SLX4IP: variants seen among roughly 807,000 people sequenced by gnomAD.
SLX4IP encodes the protein protein SLX4IP.
SLX4IP carries 34 observed loss-of-function variants against 32.9 expected under a neutral mutation model. The observed-to-expected ratio is 1.03, with a 90% confidence interval of 0.79 to 1.38. The LOEUF (loss-of-function observed/expected upper bound fraction) is 1.38. Among genes scored for constraint, SLX4IP ranks in the 40% most tolerant of loss-of-function variants. The pLI is 0.00. For synonymous variants in SLX4IP, 172 were observed against 171.7 expected (o/e 1.00, Z -0.01); for missense variants, 444 against 479.0 (o/e 0.93, Z 0.68).
At chr20:10,551,423 C>G (rs117742588) in intron 2 of SLX4IP, among the ~76,000 whole-genome samples, 1 of 152,204 alleles carries the variant, frequency 6.6e-6, no homozygotes, top group Non-Finnish European at 1.5e-5. Context: ...AGAGCTCTCC[C>G]TTTGCAGACA....
chr20:10,518,490 TTTCCTTCCTTCCTTCC>T (rs201990578), intron 2 of SLX4IP, among the ~76,000 whole-genome samples: 2,433 of 65,820 alleles, frequency 0.037, 83 homozygotes, highest in Middle Eastern at 0.053. Context: ...TTCCTTTCCT[TTTCCTTCCTTCCTTCC>T]TTCCTTCCTT....
chr20:10,562,568 T>G (rs141345965), intron 4 of SLX4IP, among the ~76,000 whole-genome samples: 1,630 of 152,044 alleles, frequency 0.011, 32 homozygotes, highest in African/African-American at 0.037. Context: ...GGCCATGGTG[T>G]TCTTGGAAAA....
chr20:10,443,928 G>A (rs1029362013), intron 1 of SLX4IP, among the ~76,000 whole-genome samples: 1 of 152,102 alleles, frequency 6.6e-6, no homozygotes, highest in Admixed American at 6.5e-5. Flanking sequence ...ATGATTGTAA[G>A]TCTCCTGAGG....
intron 2 of SLX4IP, among the ~76,000 whole-genome samples, chr20:10,498,824 T>G (rs916442219): frequency 8.6e-5 from 13 of 152,012 alleles, no homozygotes; most frequent in African/African-American, 3.1e-4. Flanking sequence ...ATCCTCTAAT[T>G]TTTAAAAATT....
At chr20:10,506,438 C>G (rs1600940620) in intron 2 of SLX4IP, among the ~76,000 whole-genome samples, 1 of 152,318 alleles carries the variant, frequency 6.6e-6, no homozygotes, top group Non-Finnish European at 1.5e-5. Flanking sequence ...CTGAACACCT[C>G]AAATGTGTCA....
intron 5 of SLX4IP, among the ~76,000 whole-genome samples, chr20:10,600,680 C>A (rs1431690788): frequency 1.3e-5 from 2 of 152,176 alleles, no homozygotes; most frequent in Admixed American, 6.5e-5. Flanking sequence ...TTACCTCAGT[C>A]ATTGCCATCA....
At chr20:10,474,555 T>A (rs1403517847) in intron 2 of SLX4IP, among the ~76,000 whole-genome samples, 2 of 152,196 alleles carry the variant, frequency 1.3e-5, no homozygotes, top group African/African-American at 4.8e-5. Flanking sequence ...GTGGAGTTTT[T>A]TCCTTTTTCT....
At chr20:10,567,546 A>C (rs73896590) in intron 4 of SLX4IP, among the ~76,000 whole-genome samples, 13 of 152,150 alleles carry the variant, frequency 8.5e-5, no homozygotes, top group African/African-American at 2.9e-4. Flanking sequence ...CTCATCCTCC[A>C]CAACTGTGAG....
At position 10,621,704 on chromosome 20, in the gene SLX4IP, G is replaced by GA. The variant is rs201369424; in HGVS notation, c.506+301dup. Among the ~76,000 whole-genome samples, 22 of 147,184 alleles carry GA rather than the reference G, an allele frequency of 1.5e-4. 1 individual carries two copies. The highest frequency in any genetic ancestry group is 2.6e-4 in the Non-Finnish European group (17 of 66,294). ...TTCGGAGGGACTACAGACAGATCTAGAAAAAAAAAAATTCCTTTCCTAGGA... is the reference window on the plus strand; with the variant it reads ...TTCGGAGGGACTACAGACAGATCTAGAAAAAAAAAAAATTCCTTTCCTAGGA... On this transcript the variant is annotated intron_variant, in intron 7 of 7. Coordinates refer to ENST00000334534, the MANE Select transcript of SLX4IP (RefSeq NM_001009608.3).
chr20:10,465,217 G>A lies in SLX4IP; in HGVS notation c.27+6986G>A, dbSNP rs76151147. Among the ~76,000 whole-genome samples the A allele has an allele frequency of 1.5e-3, 225 of 152,254 alleles. 1 individual carries two copies. The highest frequency in any genetic ancestry group is 2.6e-3 in the Non-Finnish European group (176 of 68,006). On this transcript the variant is annotated intron_variant, in intron 2 of 7. Transcript: ENST00000334534. The stretch of plus-strand genomic sequence containing the variant: ...ACCCAAGCTTTGCACCCACCCCAGT[G>A]TTTTAAAATTTCCAAAATAATAAAC...
intron 6 of SLX4IP, among the ~76,000 whole-genome samples, chr20:10,608,156 G>C (rs990988736): frequency 1.3e-5 from 2 of 152,152 alleles, no homozygotes; most frequent in Non-Finnish European, 1.5e-5. Flanking sequence ...GGAAAAACGT[G>C]GTGGGGAATA....
intron 4 of SLX4IP, among the ~76,000 whole-genome samples, chr20:10,575,884 A>G (rs139658524): frequency 6.6e-6 from 1 of 152,240 alleles, no homozygotes; most frequent in Admixed American, 6.5e-5. Context: ...GATACTAGTT[A>G]TCTTACCGAC....
chr20:10,455,683 C>A (rs1342224235), intron 1 of SLX4IP, among the ~76,000 whole-genome samples: 1 of 151,882 alleles, frequency 6.6e-6, no homozygotes, highest in Admixed American at 6.6e-5. Flanking sequence ...AATCTTGCCA[C>A]ACTGCAACCT....
chr20:10,562,600 CAG>C (rs952767494), intron 4 of SLX4IP, among the ~76,000 whole-genome samples: 1 of 152,164 alleles, frequency 6.6e-6, no homozygotes, highest in African/African-American at 2.4e-5. Context: ...GGCGTGAAAA[CAG>C]GAGTGCCTGT....
intron 6 of SLX4IP, among the ~76,000 whole-genome samples, chr20:10,605,931 C>T (rs978978706): frequency 6.6e-6 from 1 of 152,122 alleles, no homozygotes; most frequent in African/African-American, 2.4e-5. Context: ...AGTTTAGACT[C>T]ATTTTCACTT....
Position 10,556,225 on chromosome 20 carries a change from T to C in SLX4IP, c.28-6T>C, listed in dbSNP as rs1365435761. 2.5e-6 allele frequency: 4 copies of C among 1,612,628 alleles called. No homozygotes were observed. Among genetic ancestry groups the C allele is most frequent in the Admixed American group, 1.7e-5 (1 of 59,770 alleles). On this transcript the variant is annotated splice_polypyrimidine_tract_variant and splice_region_variant and intron_variant, in intron 2 of 7. Coordinates refer to ENST00000334534, the MANE Select transcript of SLX4IP (RefSeq NM_001009608.3). ...AGACACTGACTCTGCCATTAATGTC[T>C]TTCAGTGTGGGAATTTTGCTGTCCT...
At chr20:10,459,448 G>T (rs11696671) in intron 2 of SLX4IP, among the ~76,000 whole-genome samples, 74,871 of 151,992 alleles carry the variant, frequency 0.49, 19,920 homozygotes, top group Non-Finnish European at 0.6. Context: ...GTAGGCATAT[G>T]GAAAATTTAT....
chr20:10,451,843 C>T (rs1391265166), intron 1 of SLX4IP, among the ~76,000 whole-genome samples: 1 of 152,022 alleles, frequency 6.6e-6, no homozygotes, highest in African/African-American at 2.4e-5. Context: ...TGACGGGCGC[C>T]TGTAATCCCA....
intron 4 of SLX4IP, among the ~76,000 whole-genome samples, chr20:10,569,851 G>C (rs1248203108): frequency 6.6e-6 from 1 of 152,102 alleles, no homozygotes; most frequent in Non-Finnish European, 1.5e-5. Context: ...CAGTTACATT[G>C]GATTAGGCCC....
Sources: allele counts gnomAD v4.1 joint callset (sites outside exome capture counted in the v4.1 genomes callset), GRCh38; gene constraint gnomAD v4.1.1; transcripts MANE v1.5; gene names NCBI Gene and HGNC (gene_info 2026-07-23, HGNC 2026-07-21).